EIPR1: variants seen among roughly 807,000 people sequenced by gnomAD.
The protein encoded by EIPR1 is EARP complex and GARP complex interacting protein 1, also known as EARP and GARP complex-interacting protein 1.
In EIPR1, 25 loss-of-function variants were observed where a neutral mutation model predicts 48.1. The ratio of observed to expected loss-of-function variants is 0.52; its 90% CI spans 0.38 to 0.73. EIPR1 has a LOEUF of 0.73. Among genes scored for constraint, EIPR1 ranks in the 30% least tolerant of loss-of-function variants. The pLI, the probability that EIPR1 is intolerant of heterozygous loss-of-function variation, is 0.00. For synonymous variants in EIPR1, 204 were observed against 201.9 expected (o/e 1.01, Z -0.09); for missense variants, 415 against 506.2 (o/e 0.82, Z 1.73).
chr2:3,303,913 C>T (rs879491763), intron 3 of EIPR1, among the ~76,000 whole-genome samples: 1 of 152,238 alleles, frequency 6.6e-6, no homozygotes, highest in Non-Finnish European at 1.5e-5. Context: ...TGTTAAAAAT[C>T]TTATACAGTC....
At chr2:3,376,425 G>C (rs1418838132) in intron 1 of EIPR1, among the ~76,000 whole-genome samples, 1 of 152,174 alleles carries the variant, frequency 6.6e-6, no homozygotes, top group East Asian at 1.9e-4. Context: ...AGGTGCGGTG[G>C]CTCACGCCTG....
At chr2:3,373,304 C>T (rs1659757876) in intron 1 of EIPR1, among the ~76,000 whole-genome samples, 1 of 151,506 alleles carries the variant, frequency 6.6e-6, no homozygotes, top group Admixed American at 6.6e-5. Flanking sequence ...GGAAGCATTC[C>T]CTTTGAAAAC....
chr2:3,345,355 C>T (rs1670367175), intron 2 of EIPR1, among the ~76,000 whole-genome samples: 1 of 152,094 alleles, frequency 6.6e-6, no homozygotes, highest in South Asian at 2.1e-4. Context: ...CACCTATAAC[C>T]CCAGCACTTT....
At chr2:3,336,820 A>AAGGAAGG in intron 3 of EIPR1, among the ~76,000 whole-genome samples, 1 of 147,008 alleles carries the variant, frequency 6.8e-6, no homozygotes, top group Admixed American at 7.0e-5. Flanking sequence ...GGAAAAGAAA[A>AAGGAAGG]GAAAAGGGAA....
intron 3 of EIPR1, among the ~76,000 whole-genome samples, chr2:3,263,848 T>TGTC (rs1667408846): frequency 1.2e-5 from 1 of 83,292 alleles, no homozygotes; most frequent in Non-Finnish European, 2.3e-5. Context: ...CACCATTAAC[T>TGTC]TTCTAATTAA....
chr2:3,229,823 A>G (rs1378535261), intron 4 of EIPR1, among the ~76,000 whole-genome samples: 1 of 152,232 alleles, frequency 6.6e-6, no homozygotes, highest in Non-Finnish European at 1.5e-5. Flanking sequence ...TCTTCAGCTC[A>G]TGTATGGTGG....
intron 8 of EIPR1, among the ~76,000 whole-genome samples, chr2:3,191,688 C>A (rs577845355): frequency 6.9e-4 from 105 of 152,304 alleles, no homozygotes; most frequent in African/African-American, 2.5e-3. Context: ...CCCCAGGAAG[C>A]GGCTGCCACT....
intron 3 of EIPR1, among the ~76,000 whole-genome samples, chr2:3,281,380 G>A (rs1056256768): frequency 6.6e-6 from 1 of 152,074 alleles, no homozygotes; most frequent in Non-Finnish European, 1.5e-5. Flanking sequence ...TCAAAAGTCA[G>A]AAGTCTTCAT....
At chr2:3,209,133 C>A (rs1418426174) in intron 5 of EIPR1, among the ~76,000 whole-genome samples, 1 of 152,190 alleles carries the variant, frequency 6.6e-6, no homozygotes, top group East Asian at 1.9e-4. Context: ...ACTGCACATA[C>A]AACAGAGGGT....
chr2:3,353,564 A>G (rs1297782891), intron 2 of EIPR1, among the ~76,000 whole-genome samples: 1 of 152,236 alleles, frequency 6.6e-6, no homozygotes, highest in Non-Finnish European at 1.5e-5. Flanking sequence ...TCAACCTAAC[A>G]TTCACGCATT....
chr2:3,291,364 C>T lies in EIPR1; in HGVS notation c.260-33909G>A, dbSNP rs139240926. Among the ~76,000 whole-genome samples the T allele has an allele frequency of 5.8e-3, 882 of 152,124 alleles. 6 individuals carry two copies. Among genetic ancestry groups the T allele is most frequent in the African/African-American group, 0.02 (814 of 41,506 alleles). On this transcript the variant is annotated intron_variant, in intron 3 of 8. Coordinates refer to ENST00000382125, the MANE Select transcript of EIPR1 (RefSeq NM_003310.5). ...CTGCCGTGTACCCCAACCCACGTAG[C>T]GGGCTGCATGCACAGTTCTGCAGTG...
At position 3,219,823 on chromosome 2, in the gene EIPR1, C is replaced by G. The variant is rs373603732; in HGVS notation, c.417-5575G>C. 9.2e-5 allele frequency among the ~76,000 whole-genome samples: 14 copies of G among 152,346 alleles called. No homozygotes were observed. In the East Asian group the frequency reaches 1.9e-3, roughly 21 times the overall value. ...TGGCTCTGGTACACTCTAGAGCATT[C>G]ACAGTGAGTCCATGCACATGATGGC... On this transcript the variant is annotated intron_variant, in intron 4 of 8. Transcript: ENST00000382125.
intron 3 of EIPR1, among the ~76,000 whole-genome samples, chr2:3,329,186 A>G (rs113648628): frequency 1.2e-4 from 16 of 132,498 alleles, no homozygotes; most frequent in African/African-American, 2.3e-4. Flanking sequence ...ATCTCAGGGC[A>G]CCAGCTGGGC....
chr2:3,313,315 G>C (rs1361655395), intron 3 of EIPR1, among the ~76,000 whole-genome samples: 1 of 152,192 alleles, frequency 6.6e-6, no homozygotes, highest in East Asian at 1.9e-4. Flanking sequence ...GAGACCTGGA[G>C]GAAGAAGATC....
chr2:3,252,073 C>T (rs1283280072), intron 4 of EIPR1, among the ~76,000 whole-genome samples: 1 of 152,212 alleles, frequency 6.6e-6, no homozygotes, highest in Non-Finnish European at 1.5e-5. Context: ...GCAAAGGGGC[C>T]TCGTTCACAG....
Position 3,192,702 on chromosome 2 carries a change from C to T in EIPR1, c.822-121G>A, listed in dbSNP as rs1414737087. Reference sequence around the variant, plus strand: ...CTCACGTTAGGCACTGCCAGGCAATCGGCCCCCAGTCACAGGGCCTGACAT... The same window carrying T: ...CTCACGTTAGGCACTGCCAGGCAATTGGCCCCCAGTCACAGGGCCTGACAT... On this transcript the variant is annotated intron_variant, in intron 7 of 8. Coordinates refer to ENST00000382125, the MANE Select transcript of EIPR1 (RefSeq NM_003310.5). The T allele has an allele frequency of 7.2e-6, 7 of 977,020 alleles. No homozygotes were observed. The East Asian group carries it at 1.3e-4, about 19-fold the overall frequency. The allele number at this position is 977,020 out of a possible 1,614,324, so 60.5% of individuals were successfully genotyped here. A position where few individuals can be genotyped will look rare whatever the true frequency, so the allele number is the denominator to read the frequency against.
intron 4 of EIPR1, among the ~76,000 whole-genome samples, chr2:3,233,976 C>A (rs1326373577): frequency 6.6e-6 from 1 of 152,166 alleles, no homozygotes; most frequent in Admixed American, 6.5e-5. Flanking sequence ...GGCTTCTGAG[C>A]TACTCAGCTC....
At chr2:3,195,315 C>T (rs1664769766) in intron 6 of EIPR1, among the ~76,000 whole-genome samples, 1 of 152,220 alleles carries the variant, frequency 6.6e-6, no homozygotes, top group Non-Finnish European at 1.5e-5. Flanking sequence ...ACTCCTGCAT[C>T]ATTTACCTTC....
At chr2:3,211,786 C>T (rs575116385) in intron 5 of EIPR1, among the ~76,000 whole-genome samples, 3 of 152,304 alleles carry the variant, frequency 2.0e-5, no homozygotes, top group South Asian at 4.1e-4. Context: ...CTTCTCGCTC[C>T]GCCACTGTCG....
Sources: gnomAD v4.1 joint callset for allele counts (sites outside exome capture counted in the v4.1 genomes callset) on GRCh38, gnomAD v4.1.1 for gene constraint, MANE v1.5 for transcripts, NCBI Gene and HGNC (gene_info 2026-07-23, HGNC 2026-07-21) for gene names.